The following RIMS2 variants were observed in gnomAD, a reference collection of about 807,000 sequenced individuals.
RIMS2 encodes the protein regulating synaptic membrane exocytosis 2, also known as regulating synaptic membrane exocytosis protein 2.
RIMS2 carries 59 observed loss-of-function variants against 174.4 expected under a neutral mutation model. The ratio of observed to expected loss-of-function variants is 0.34; its 90% confidence interval spans 0.27 to 0.42. RIMS2 has a LOEUF of 0.42. Among genes scored for constraint, RIMS2 ranks in the 10% least tolerant of loss-of-function variants. The probability of loss-of-function intolerance (pLI) is 1.00; values close to 1 mark genes in which losing one functional copy is unlikely to be tolerated. For synonymous variants in RIMS2, 606 were observed against 572.5 expected (o/e 1.06, Z -0.84); for missense variants, 1,620 against 1,666.3 (o/e 0.97, Z 0.48).
chr8:103,566,329 C>T (rs917945419), intron 1 of RIMS2, among the ~76,000 whole-genome samples: 1 of 152,134 alleles, frequency 6.6e-6, no homozygotes, highest in African/African-American at 2.4e-5. Flanking sequence ...GTGACCACCC[C>T]ATATTCCTGT....
Position 103,786,184 on chromosome 8 carries a change from G to A in RIMS2, c.698+19647G>A, listed in dbSNP as rs566118162. ...CCTTCCATCTTTATTCGTCTTGCTA[G>A]TGGTCTATCAATTTTGTTGATCCTT... On this transcript the variant is annotated intron_variant, in intron 3 of 23. Coordinates refer to ENST00000504942, the Ensembl canonical transcript of RIMS2. Among the ~76,000 whole-genome samples, 3 of 152,128 alleles carry A rather than the reference G, an allele frequency of 2.0e-5. No individual in the cohort carries two copies. In the South Asian group the frequency reaches 6.2e-4, roughly 32 times the overall value.
chr8:103,869,132 G>A (rs1384560022), intron 3 of RIMS2, among the ~76,000 whole-genome samples: 2 of 151,640 alleles, frequency 1.3e-5, no homozygotes, highest in Non-Finnish European at 2.9e-5. Context: ...AAGAACATAA[G>A]CCTTGGAGGG....
intron 16 of RIMS2, among the ~76,000 whole-genome samples, chr8:103,979,237 C>CA (rs1201261120): frequency 6.6e-6 from 1 of 151,950 alleles, no homozygotes; most frequent in Non-Finnish European, 1.5e-5. Context: ...GGGTATTCAT[C>CA]AAAAAATAGG....
intron 1 of RIMS2, among the ~76,000 whole-genome samples, chr8:103,533,064 A>G (rs1237279368): frequency 3.9e-5 from 6 of 152,380 alleles, no homozygotes; most frequent in African/African-American, 1.4e-4. Flanking sequence ...TTAGAATATT[A>G]AAGTGGAATA....
intron 9 of RIMS2, among the ~76,000 whole-genome samples, chr8:103,918,904 C>T (rs1213218355): frequency 6.6e-6 from 1 of 152,014 alleles, no homozygotes; most frequent in East Asian, 1.9e-4. Flanking sequence ...ACCTCATCCT[C>T]ATTAAGTGGG....
chr8:104,118,363 TTTTTTTG>T (rs1350724549), intron 19 of RIMS2, among the ~76,000 whole-genome samples: 21 of 108,796 alleles, frequency 1.9e-4, no homozygotes, highest in East Asian at 8.3e-4. Context: ...TGTTTTTTTG[TTTTTTTG>T]TTTTTTTTTT....
chr8:103,608,620 C>A (rs534990606), intron 1 of RIMS2, among the ~76,000 whole-genome samples: 1 of 150,926 alleles, frequency 6.6e-6, no homozygotes, highest in East Asian at 1.9e-4. Context: ...TGATCTCAGA[C>A]TGCTGTGCTA....
chr8:103,945,297 GA>G (rs1344777025), intron 14 of RIMS2, among the ~76,000 whole-genome samples: 1 of 152,028 alleles, frequency 6.6e-6, no homozygotes, highest in Non-Finnish European at 1.5e-5. Context: ...TTGAATTAAT[GA>G]ATTGATAATG....
intron 19 of RIMS2, among the ~76,000 whole-genome samples, chr8:104,133,403 G>A (rs2098489594): frequency 6.6e-6 from 1 of 152,104 alleles, no homozygotes; most frequent in African/African-American, 2.4e-5. Context: ...AAGGAGAAGG[G>A]ACACTTTTTG....
Position 103,617,176 on chromosome 8 carries a change from A to ACTTT in RIMS2, c.177-79909_177-79908insTTTC, listed in dbSNP as rs1157829476. Among the ~76,000 whole-genome samples the ACTTT allele has an allele frequency of 3.3e-5, 5 of 152,140 alleles. No individual in the cohort carries two copies. In the East Asian group the frequency reaches 9.6e-4, roughly 29 times the overall value. ...TATGGATGTGAAAAGAGGCACATAG[A>ACTTT]CCAATGAAACAGAATAGAGAGCCTA... On this transcript the variant is annotated intron_variant, in intron 1 of 23. Coordinates refer to ENST00000504942, the Ensembl canonical transcript of RIMS2.
chr8:104,029,552 T>G (rs1184262000), intron 19 of RIMS2, among the ~76,000 whole-genome samples: 1 of 152,162 alleles, frequency 6.6e-6, no homozygotes, highest in Non-Finnish European at 1.5e-5. Context: ...AAATTTATGG[T>G]TATTGGAACT....
chr8:103,537,915 G>A (rs1160984489), intron 1 of RIMS2, among the ~76,000 whole-genome samples: 1 of 151,838 alleles, frequency 6.6e-6, no homozygotes, highest in African/African-American at 2.4e-5. Context: ...CTCTCTGGAG[G>A]GCCATGTGAT....
intron 17 of RIMS2, among the ~76,000 whole-genome samples, chr8:104,001,260 A>G (rs773176934): frequency 2.0e-5 from 3 of 151,938 alleles, no homozygotes; most frequent in Non-Finnish European, 4.4e-5. Context: ...ACACAATGAA[A>G]TGTAAATGTT....
intron 3 of RIMS2, chr8:103,768,557 A>C (rs2098208466): frequency 6.6e-7 from 1 of 1,506,672 alleles, no homozygotes; most frequent in Admixed American, 1.7e-5. Flanking sequence ...TGGAGAAAGA[A>C]AGAGAAAATC....
intron 1 of RIMS2, among the ~76,000 whole-genome samples, chr8:103,598,917 A>G (rs77864044): frequency 6.6e-6 from 1 of 151,146 alleles, no homozygotes; most frequent in South Asian, 2.1e-4. Context: ...TTTTTTTTTT[A>G]CAGTAAGTTA....
At chr8:104,131,154 A>G (rs1460295402) in intron 19 of RIMS2, among the ~76,000 whole-genome samples, 1 of 152,238 alleles carries the variant, frequency 6.6e-6, no homozygotes, top group East Asian at 1.9e-4. Flanking sequence ...CCTACTTCAC[A>G]GAGTTGTGTA....
At chr8:103,920,297 G>A (rs1300946874) in intron 9 of RIMS2, among the ~76,000 whole-genome samples, 1 of 151,958 alleles carries the variant, frequency 6.6e-6, no homozygotes, top group Non-Finnish European at 1.5e-5. Flanking sequence ...ACCAAAAGGA[G>A]CTATCATTGT....
Position 103,870,359 on chromosome 8 carries a change from C to T in RIMS2, c.699-14939C>T, listed in dbSNP as rs550061692. On this transcript the variant is annotated intron_variant, in intron 3 of 23. Transcript: ENST00000504942. ...GCTAAACCACTCTTATCACCACCAC[C>T]ACCATCACCACCACCACCACCAGCA... Among the ~76,000 whole-genome samples, 5 of 151,774 alleles carry T rather than the reference C, an allele frequency of 3.3e-5. No individual in the cohort carries two copies. The East Asian group carries it at 9.7e-4, about 30-fold the overall frequency.
chr8:103,723,356 A>G (rs749717997), intron 2 of RIMS2, among the ~76,000 whole-genome samples: 36 of 152,230 alleles, frequency 2.4e-4, no homozygotes, highest in Non-Finnish European at 2.2e-4. Context: ...AACTGGCTTC[A>G]GCAGGGAAAG....
Sources: allele counts gnomAD v4.1 joint callset (sites outside exome capture counted in the v4.1 genomes callset), GRCh38; gene constraint gnomAD v4.1.1; transcripts MANE v1.5; gene names NCBI Gene and HGNC (gene_info 2026-07-23, HGNC 2026-07-21).